The following ZBTB10 variants were observed in gnomAD, a reference collection of about 807,000 sequenced individuals.
ZBTB10 encodes the protein zinc finger and BTB domain-containing protein 10.
ZBTB10 carries 32 observed loss-of-function variants against 76.4 expected under a neutral mutation model. The ratio of observed to expected loss-of-function variants is 0.42; its 90% CI spans 0.32 to 0.56. The LOEUF is 0.56. Ranked by LOEUF, ZBTB10 falls within the 20% of genes least tolerant of loss-of-function variation. The pLI, the probability that ZBTB10 is intolerant of heterozygous loss-of-function variation, is 0.14. For synonymous variants in ZBTB10, 523 were observed against 432.9 expected, an observed-to-expected ratio of 1.21 and a Z score of -2.58; for missense variants, 1,057 against 1,098.5, an observed-to-expected ratio of 0.96 and a Z score of 0.53.
chr8:80,488,673 T>G (rs1479579610), intron 1 of ZBTB10, among the ~76,000 whole-genome samples: 2 of 152,226 alleles, frequency 1.3e-5, no homozygotes, highest in Non-Finnish European at 2.9e-5. Flanking sequence ...TTTTAACATT[T>G]CCAGTCTAAA....
rs1816555900 is a variant in ZBTB10 at position 80,526,084 on chromosome 8, A to G, written c.*6556A>G. ...ATTTTTTTTTTAAACCGTCTCCATA[A>G]CAGAACACTTAGAATTATTAGCCAT... On this transcript the variant is annotated 3_prime_UTR_variant, in exon 6 of 6. Transcript: ENST00000455036. 1 of 152,144 alleles carries G rather than the reference A, an allele frequency of 6.6e-6. No homozygotes were observed. The highest frequency in any genetic ancestry group is 1.5e-5 in the Non-Finnish European group (1 of 68,016). The allele number at this position is 152,144 out of a possible 1,614,324, so 9.4% of individuals were successfully genotyped here.
In ZBTB10 at chr8:80,513,430, C is replaced by G. The variant is rs541839912; in HGVS notation, c.1862-480C>G. ...AGTGCTGGGATTATAGGCCTGAGCCCCCACTTCCAGCTAAGCAGTCTAGCT... is the reference window on the plus strand; with the variant it reads ...AGTGCTGGGATTATAGGCCTGAGCCGCCACTTCCAGCTAAGCAGTCTAGCT... On this transcript the variant is annotated intron_variant, in intron 2 of 5. Coordinates refer to ENST00000455036, the MANE Select transcript of ZBTB10 (RefSeq NM_001105539.3). Among the ~76,000 whole-genome samples the G allele has an allele frequency of 1.5e-3, 226 of 152,184 alleles. 1 individual carries two copies. Among genetic ancestry groups the G allele is most frequent in the African/African-American group, 5.1e-3 (211 of 41,548 alleles).
chr8:80,515,668 T>TA (rs1168279596), intron 3 of ZBTB10, among the ~76,000 whole-genome samples: 3 of 152,198 alleles, frequency 2.0e-5, no homozygotes, highest in African/African-American at 7.2e-5. Context: ...AAACCTTTGA[T>TA]ATAGGGTTAT....
intron 3 of ZBTB10, among the ~76,000 whole-genome samples, chr8:80,517,320 G>C (rs1816348372): frequency 6.6e-6 from 1 of 152,172 alleles, no homozygotes; most frequent in South Asian, 2.1e-4. Context: ...TTGGATCAGG[G>C]TGGCAATAGT....
intron 2 of ZBTB10, among the ~76,000 whole-genome samples, chr8:80,506,574 A>ACCCT (rs1816060907): frequency 1.6e-5 from 1 of 62,056 alleles, no homozygotes; most frequent in African/African-American, 1.5e-4. Context: ...CCCCCCCCCA[A>ACCCT]CCCCCGCCTC....
intron 2 of ZBTB10, among the ~76,000 whole-genome samples, chr8:80,507,898 C>T (rs1196562779): frequency 6.6e-6 from 1 of 152,122 alleles, no homozygotes; most frequent in Non-Finnish European, 1.5e-5. Flanking sequence ...CTGTACCCAG[C>T]CCTGATGCTT....
chr8:80,501,703 ACT>A (rs1815927903), intron 2 of ZBTB10, among the ~76,000 whole-genome samples: 1 of 152,024 alleles, frequency 6.6e-6, no homozygotes, highest in East Asian at 1.9e-4. Context: ...TGAAATTTTT[ACT>A]GTGTGAAAAA....
At position 80,499,779 on chromosome 8, in the gene ZBTB10, A is replaced by C. The variant is rs1815875034; in HGVS notation, c.1258A>C (p.Ile420Leu). The change falls in exon 2 of 6, where the codon ATC becomes CTC. Residue 420 changes from isoleucine (I) to leucine (L), a missense_variant. By Grantham distance (5) the Ile-to-Leu change is conservative. This residue lies in a region of ZBTB10 where 86 missense variants were observed against 145.7 expected (regional missense o/e 0.59). Transcript: ENST00000455036. ...DIAAVQGFSV[I>L]LDFLYSGNLV... ...TGCTGCAGTTCAAGGTTTTTCAGTC[A>C]TCTTGGACTTCTTGTATTCTGGTAA... is the stretch of plus-strand genomic sequence containing the variant. 4 of 1,613,946 alleles carry C rather than the reference A, an allele frequency of 2.5e-6. No homozygotes were observed. The highest frequency in any genetic ancestry group is 3.4e-6 in the Non-Finnish European group (4 of 1,179,908).
chr8:80,516,712 G>A (rs1461804493), intron 3 of ZBTB10, among the ~76,000 whole-genome samples: 2 of 152,218 alleles, frequency 1.3e-5, no homozygotes, highest in African/African-American at 4.8e-5. Context: ...TACAGTAATA[G>A]TAATGATGTG....
At chr8:80,501,313 G>A (rs1313676946) in intron 2 of ZBTB10, among the ~76,000 whole-genome samples, 1 of 152,218 alleles carries the variant, frequency 6.6e-6, no homozygotes, top group Non-Finnish European at 1.5e-5. Context: ...AGGAATCTTA[G>A]AGAATCACAT....
chr8:80,495,216 C>A (rs925952613), intron 1 of ZBTB10, among the ~76,000 whole-genome samples: 1 of 151,196 alleles, frequency 6.6e-6, no homozygotes, highest in East Asian at 1.9e-4. Context: ...GCCATCCTGT[C>A]GCCTTCCAAA....
chr8:80,496,044 C>T (rs1273711694), intron 1 of ZBTB10, among the ~76,000 whole-genome samples: 2 of 152,156 alleles, frequency 1.3e-5, no homozygotes, highest in Non-Finnish European at 1.5e-5. Context: ...TTTGAAAAGA[C>T]CAGTTGTGGA....
intron 2 of ZBTB10, among the ~76,000 whole-genome samples, chr8:80,505,551 A>G (rs1160744465): frequency 6.6e-6 from 1 of 152,186 alleles, no homozygotes; most frequent in African/African-American, 2.4e-5. Flanking sequence ...TAGACTTATG[A>G]TGGAAAAATA....
intron 2 of ZBTB10, among the ~76,000 whole-genome samples, chr8:80,506,435 C>T (rs1160386988): frequency 2.0e-5 from 3 of 152,066 alleles, no homozygotes; most frequent in Non-Finnish European, 4.4e-5. Flanking sequence ...CTGCCTCAGC[C>T]TCCCGAGTAG....
chr8:80,499,965 A>G lies in ZBTB10; in HGVS notation c.1444A>G (p.Arg482Gly). 1.2e-6 allele frequency: 2 copies of G among 1,613,978 alleles called. No homozygotes were observed. Among genetic ancestry groups the G allele is most frequent in the African/African-American group, 1.3e-5 (1 of 75,068 alleles). Residue 482 changes from arginine to glycine, a missense_variant, in exon 2 of 6, where the codon AGA becomes GGA. By Grantham distance (125) the Arg-to-Gly change is moderately radical. This residue lies in a region of ZBTB10 where 306 missense variants were observed against 297.5 expected (regional missense o/e 1.03). Transcript: ENST00000455036. ...GTCTGTAGTTGTGGACTATAATAAT[A>G]GAAAACCAGTTAATAGAGATGGTCT... ...PESVVVDYNN[R>G]KPVNRDGLSS...
intron 2 of ZBTB10, among the ~76,000 whole-genome samples, chr8:80,506,851 C>A (rs1816070135): frequency 1.3e-5 from 2 of 151,462 alleles, no homozygotes; most frequent in Non-Finnish European, 2.9e-5. Context: ...TTTTGCTAAA[C>A]CTCTTAGGCA....
At position 80,525,023 on chromosome 8, in the gene ZBTB10, A is replaced by G. The variant is rs1201171938; in HGVS notation, c.*5495A>G. On this transcript the variant is annotated 3_prime_UTR_variant, in exon 6 of 6. Coordinates refer to ENST00000455036, the MANE Select transcript of ZBTB10 (RefSeq NM_001105539.3). ...ACTAAAATGATAAAATTTGGTATGT[A>G]TAAGTACTGGACGAAGGATGTTTTG... 2 of 152,100 alleles carry G rather than the reference A, an allele frequency of 1.3e-5. No individual in the cohort carries two copies. The highest frequency in any genetic ancestry group is 2.9e-5 in the Non-Finnish European group (2 of 67,970). The allele number at this position is 152,100 out of a possible 1,614,324, so 9.4% of individuals were successfully genotyped here.
At chr8:80,492,355 T>G (rs1392620056) in intron 1 of ZBTB10, among the ~76,000 whole-genome samples, 1 of 152,232 alleles carries the variant, frequency 6.6e-6, no homozygotes, top group Non-Finnish European at 1.5e-5. Context: ...GAGATAAAAA[T>G]CTGTATGTTT....
chr8:80,505,307 G>A (rs564487554), intron 2 of ZBTB10, among the ~76,000 whole-genome samples: 3 of 152,224 alleles, frequency 2.0e-5, no homozygotes, highest in Admixed American at 6.5e-5. Flanking sequence ...TTTCTCCAGT[G>A]GGATTTTTTT....
Sources: gnomAD v4.1 joint callset for allele counts (sites outside exome capture counted in the v4.1 genomes callset) on GRCh38, gnomAD v4.1.1 for gene constraint, gnomAD v4.1.1 regional missense constraint, MANE v1.5 for transcripts, NCBI Gene and HGNC (gene_info 2026-07-23, HGNC 2026-07-21) for gene names.